The following POTEB variants were observed in gnomAD, a reference collection of about 807,000 sequenced individuals.
The protein encoded by POTEB is ANKRD26-like family B, member 1.
At chr15:21,854,860 A>T (rs1410850591) in intron 9 of POTEB, among the ~76,000 whole-genome samples, 2 of 146,202 alleles carry the variant, frequency 1.4e-5, no homozygotes, top group African/African-American at 2.5e-5. Flanking sequence ...TATAGAACTA[A>T]AAGTTGCCTT....
chr15:21,855,203 C>T (rs1441236155), intron 9 of POTEB, among the ~76,000 whole-genome samples: 2 of 148,350 alleles, frequency 1.3e-5, no homozygotes, highest in African/African-American at 4.9e-5. Flanking sequence ...ACATGCTGGG[C>T]ACTTTTATAA....
At chr15:21,855,118 A>G (rs1282382491) in intron 9 of POTEB, among the ~76,000 whole-genome samples, 5 of 148,426 alleles carry the variant, frequency 3.4e-5, no homozygotes, top group Non-Finnish European at 7.5e-5. Context: ...TTAAAAATAT[A>G]TGAAGTCACT....
intron 9 of POTEB, among the ~76,000 whole-genome samples, chr15:21,850,827 TTATATATATATATATA>T (rs1214256895): frequency 4.3e-3 from 1 of 230 alleles, no homozygotes; most frequent in African/African-American, 5.9e-3. Flanking sequence ...ATAAAGAAAA[TTATATATATATATATA>T]TATATATATA....
chr15:21,855,186 C>A (rs1158426336), intron 9 of POTEB, among the ~76,000 whole-genome samples: 2 of 148,418 alleles, frequency 1.3e-5, no homozygotes, highest in East Asian at 2.0e-4. Context: ...AGGAAAGATA[C>A]TGTCACACAT....
Position 21,868,638 on chromosome 15 carries a change from GAA to G in POTEB, c.806+432_806+433del, listed in dbSNP as rs1289477615. Among the ~76,000 whole-genome samples, 2 of 70,212 alleles carry G rather than the reference GAA, an allele frequency of 2.8e-5. 1 individual carries two copies. Among genetic ancestry groups the G allele is most frequent in the East Asian group, 6.2e-4 (2 of 3,214 alleles). The allele number at this position is 70,212 out of a possible 152,430, so 46.1% of individuals were successfully genotyped here. On this transcript the variant is annotated intron_variant, in intron 4 of 10. Coordinates refer to ENST00000439682, the MANE Select transcript of POTEB (RefSeq NM_001277304.2). Reference sequence around the variant, plus strand: ...GAAAGCAACTTAAAGCAGAGTCATTGAAAAGACAAAAGGATTTTCGACTCCTA... The same window carrying G: ...GAAAGCAACTTAAAGCAGAGTCATTGAAGACAAAAGGATTTTCGACTCCTA...
At chr15:21,871,511 T>C (rs1890106409) in intron 3 of POTEB, among the ~76,000 whole-genome samples, 1 of 10,516 alleles carries the variant, frequency 9.5e-5, no homozygotes, top group Non-Finnish European at 3.7e-4. Context: ...ATTTTTCCCT[T>C]TCCAATTCTG....
chr15:21,865,364 A>AT (rs1451223872), intron 5 of POTEB, among the ~76,000 whole-genome samples: 15,735 of 63,416 alleles, frequency 0.25, 710 homozygotes, highest in South Asian at 0.42. Flanking sequence ...CCAACTCTGC[A>AT]TAAGTCCTAG....
chr15:21,855,330 G>A (rs575710634), intron 9 of POTEB, among the ~76,000 whole-genome samples: 1 of 148,288 alleles, frequency 6.7e-6, no homozygotes, highest in African/African-American at 2.4e-5. Flanking sequence ...TTGGAACACA[G>A]CCATGCTTAT....
intron 9 of POTEB, among the ~76,000 whole-genome samples, chr15:21,849,092 CA>C (rs1889720079): frequency 8.7e-6 from 1 of 114,476 alleles, no homozygotes; most frequent in Non-Finnish European, 1.8e-5. Flanking sequence ...TGGAACAAGA[CA>C]GGGTCTAATA....
chr15:21,865,965 A>AT (rs1279045129), intron 5 of POTEB, among the ~76,000 whole-genome samples: 1 of 13,784 alleles, frequency 7.3e-5, no homozygotes, highest in Non-Finnish European at 4.0e-4. Flanking sequence ...CTCTACTTTT[A>AT]TTTTTTTTCA....
At chr15:21,855,376 T>G (rs1356156704) in intron 9 of POTEB, among the ~76,000 whole-genome samples, 29 of 146,498 alleles carry the variant, frequency 2.0e-4, no homozygotes, top group African/African-American at 6.9e-4. Context: ...TAGCTGGGTG[T>G]GATGTTGCAC....
At chr15:21,871,398 C>CAAAAAAAA (rs1173826482) in intron 3 of POTEB, among the ~76,000 whole-genome samples, 2 of 20,104 alleles carry the variant, frequency 9.9e-5, no homozygotes, top group African/African-American at 2.1e-4. Flanking sequence ...CACACACACA[C>CAAAAAAAA]ACACACAAAC....
intron 9 of POTEB, among the ~76,000 whole-genome samples, chr15:21,854,401 A>T (rs1357369912): frequency 6.7e-6 from 1 of 149,372 alleles, no homozygotes; most frequent in Non-Finnish European, 1.5e-5. Flanking sequence ...AGCCTGAGGG[A>T]GTGAGGTCCT....
intron 10 of POTEB, among the ~76,000 whole-genome samples, chr15:21,847,301 G>A (rs1889704716): frequency 1.5e-5 from 1 of 67,760 alleles, no homozygotes; most frequent in African/African-American, 4.7e-5. Context: ...TTGTGCCATT[G>A]CACTCCAGCG....
chr15:21,871,426 CA>C (rs754018808), intron 3 of POTEB, among the ~76,000 whole-genome samples: 1 of 24,648 alleles, frequency 4.1e-5, no homozygotes, highest in African/African-American at 8.5e-5. Context: ...AAAACAAAAA[CA>C]AAAAAAAACC....
intron 9 of POTEB, among the ~76,000 whole-genome samples, chr15:21,855,117 T>C (rs1889854212): frequency 1.3e-5 from 2 of 148,384 alleles, no homozygotes; most frequent in Admixed American, 1.4e-4. Context: ...TTTAAAAATA[T>C]ATGAAGTCAC....
chr15:21,855,496 AAC>A (rs1481603311), intron 9 of POTEB, among the ~76,000 whole-genome samples: 1 of 135,674 alleles, frequency 7.4e-6, no homozygotes, highest in East Asian at 2.1e-4. Context: ...CAGCCTGGGC[AAC>A]AGAGACCCTG....
At chr15:21,855,087 C>A (rs1889853251) in intron 9 of POTEB, among the ~76,000 whole-genome samples, 3 of 147,728 alleles carry the variant, frequency 2.0e-5, no homozygotes, top group Non-Finnish European at 4.5e-5. Flanking sequence ...AGAAAATAAT[C>A]TTATTTTACA....
intron 10 of POTEB, among the ~76,000 whole-genome samples, chr15:21,847,025 AT>A (rs1194685107): frequency 7.6e-6 from 1 of 131,098 alleles, no homozygotes. Context: ...CTTTTCTAAT[AT>A]TTTTACAGTC....
Sources: gnomAD v4.1 joint callset for allele counts (sites outside exome capture counted in the v4.1 genomes callset) on GRCh38, gnomAD v4.1.1 for gene constraint, MANE v1.5 for transcripts, NCBI Gene and HGNC (gene_info 2026-07-23, HGNC 2026-07-21) for gene names.